CD80: variants seen among roughly 807,000 people sequenced by gnomAD.
CD80 encodes the protein CD80 molecule, also known as T-lymphocyte activation antigen CD80.
Under a neutral mutation model 27.1 loss-of-function variants are expected in CD80, and 13 were observed. The observed-to-expected ratio is 0.48, with a 90% confidence interval of 0.31 to 0.76. The LOEUF is 0.76. CD80 is among the 30% of genes least tolerant of loss of function. The pLI is 0.04. For synonymous variants in CD80, 125 were observed against 125.5 expected, an observed-to-expected ratio of 1.00 and a Z score of 0.03; for missense variants, 277 against 347.9, an observed-to-expected ratio of 0.80 and a Z score of 1.62.
intron 5 of CD80, among the ~76,000 whole-genome samples, chr3:119,528,751 G>A (rs1159085647): frequency 1.4e-4 from 22 of 151,746 alleles, no homozygotes; most frequent in African/African-American, 5.1e-4. Flanking sequence ...GTGAAACCCC[G>A]TCTCTACTAA....
intron 6 of CD80, chr3:119,527,420 G>T: frequency 4.3e-6 from 1 of 231,926 alleles, no homozygotes; most frequent in Non-Finnish European, 8.3e-6. Context: ...AGGGAAAAAT[G>T]AATGATCAGA....
intron 3 of CD80, among the ~76,000 whole-genome samples, chr3:119,537,908 G>T (rs1284871949): frequency 3.9e-5 from 6 of 152,182 alleles, no homozygotes; most frequent in Admixed American, 2.6e-4. Flanking sequence ...GATTTGAATT[G>T]GTTATATCAA....
At chr3:119,553,544 G>A (rs2222631) in intron 2 of CD80, among the ~76,000 whole-genome samples, 82,104 of 152,020 alleles carry the variant, frequency 0.54, 22,998 homozygotes, top group African/African-American at 0.69. Flanking sequence ...CACCCTCTCC[G>A]TGCAGCCTGG....
chr3:119,547,347 G>T (rs184372000), intron 2 of CD80, among the ~76,000 whole-genome samples: 1 of 152,170 alleles, frequency 6.6e-6, no homozygotes, highest in Admixed American at 6.5e-5. Flanking sequence ...TTTCTCCAAG[G>T]GGGTGGGGAA....
At position 119,553,201 on chromosome 3, in the gene CD80, A is replaced by G. The variant is rs543900842; in HGVS notation, c.100+4428T>C. ...GTTGCCCATGCTGGAGTGCAGTGGC[A>G]TGATCTTGGCTCACAGCAACCCCCG... On this transcript the variant is annotated intron_variant, in intron 2 of 6. Transcript: ENST00000264246. Among the ~76,000 whole-genome samples the G allele has an allele frequency of 6.6e-5, 10 of 151,810 alleles. No homozygotes were observed. The South Asian group carries it at 1.0e-3, about 16-fold the overall frequency.
rs1379205962 is a variant in CD80, at chr3:119,529,861, C to G, written c.777G>C (p.Val259=). 1 of 1,611,774 alleles carries G rather than the reference C, an allele frequency of 6.2e-7. No individual in the cohort carries two copies. The highest frequency in any genetic ancestry group is 8.5e-7 in the Non-Finnish European group (1 of 1,178,032). ...ACTTACAGTAGGTCAGGCAGCATAT[C>G]ACAAAAATTCCATTTACTGAGATTA... ...ITLISVNGIF[V]ICCLTYCFAP... The change falls in exon 5 of 7, where the codon GTG becomes GTC. Residue 259 remains valine, a synonymous_variant. Coordinates refer to ENST00000264246, the MANE Select transcript of CD80 (RefSeq NM_005191.4).
Position 119,544,822 on chromosome 3 carries a change from G to T in CD80, c.146C>A (p.Ser49Tyr), listed in dbSNP as rs1285569312. ...TTCAACAGAAACATTGTGACCACAG[G>T]ACAGCGTTGCCACTTCTTTCACTTC... ...TKEVKEVATL[S>Y]CGHNVSVEEL... The change falls in exon 3 of 7, where the codon TCC becomes TAC. Residue 49 changes from serine to tyrosine, a missense_variant. Transcript: ENST00000264246. 1 of 1,614,148 alleles carries T rather than the reference G, an allele frequency of 6.2e-7. No individual in the cohort carries two copies. Among genetic ancestry groups the T allele is most frequent in the Admixed American group, 1.7e-5 (1 of 60,028 alleles).
intron 2 of CD80, among the ~76,000 whole-genome samples, chr3:119,549,065 A>G (rs545700055): frequency 4.6e-5 from 7 of 150,948 alleles, no homozygotes; most frequent in African/African-American, 1.5e-4. Flanking sequence ...AATAAATAAG[A>G]AACAGAGTCC....
chr3:119,527,785 C>G lies in CD80; in HGVS notation c.853G>C (p.Val285Leu), dbSNP rs2082076411. The change falls in exon 6 of 7, where the codon GTA becomes CTA. Residue 285 changes from valine (V) to leucine (L), a missense_variant. Physicochemically the swap from Val to Leu is conservative, Grantham distance 32 (BLOSUM62 1). Transcript: ENST00000264246. ...RRNERLRRES[V>L]RPV Reference sequence around the variant, plus strand: ...TGCGGACACTGTTATACAGGGCGTACACTTTCCCTTCTCAATCTCTCATTC... The same window carrying G: ...TGCGGACACTGTTATACAGGGCGTAGACTTTCCCTTCTCAATCTCTCATTC... The G allele has an allele frequency of 6.2e-7, 1 of 1,613,822 alleles. No individual in the cohort carries two copies. The highest frequency in any genetic ancestry group is 1.3e-5 in the African/African-American group (1 of 74,928).
intron 3 of CD80, among the ~76,000 whole-genome samples, chr3:119,543,601 G>A (rs1056925488): frequency 2.0e-5 from 3 of 150,886 alleles, no homozygotes; most frequent in African/African-American, 7.3e-5. Flanking sequence ...ACACGTCCCT[G>A]GCTAATTTTT....
At chr3:119,549,299 CCAAGAA>C (rs1387681696) in intron 2 of CD80, among the ~76,000 whole-genome samples, 5 of 152,156 alleles carry the variant, frequency 3.3e-5, no homozygotes, top group African/African-American at 1.2e-4. Context: ...ATCCACATAG[CCAAGAA>C]ATATCAGCAT....
intron 2 of CD80, among the ~76,000 whole-genome samples, chr3:119,554,905 T>C (rs1266363889): frequency 6.6e-6 from 1 of 152,234 alleles, no homozygotes; most frequent in Non-Finnish European, 1.5e-5. Flanking sequence ...TAATAGGTTT[T>C]GCACAGTCAC....
At chr3:119,530,438 G>A (rs1002913032) in intron 4 of CD80, among the ~76,000 whole-genome samples, 8 of 152,186 alleles carry the variant, frequency 5.3e-5, no homozygotes, top group Non-Finnish European at 8.8e-5. Flanking sequence ...ATTCACTTTC[G>A]GATACAGGTT....
intron 2 of CD80, among the ~76,000 whole-genome samples, chr3:119,549,478 G>C (rs535173280): frequency 6.6e-6 from 1 of 152,120 alleles, no homozygotes; most frequent in Non-Finnish European, 1.5e-5. Flanking sequence ...CAGTGCTGTC[G>C]TACTGTGCCT....
intron 3 of CD80, among the ~76,000 whole-genome samples, chr3:119,538,341 G>A (rs491407): frequency 0.77 from 116,447 of 151,940 alleles, 44,776 homozygotes; most frequent in African/African-American, 0.81. Context: ...CTTGAAGTAC[G>A]CAAGTGGCTT....
In CD80 at chr3:119,525,877, A is replaced by T. The variant is rs551094407; in HGVS notation, c.*39-128T>A. 2.3e-3 allele frequency: 310 copies of T among 136,150 alleles called. 1 individual carries two copies. The highest frequency in any genetic ancestry group is 8.3e-3 in the African/African-American group (287 of 34,460). The allele number at this position is 136,150 out of a possible 1,614,324, so 8.4% of individuals were successfully genotyped here. A position where few individuals can be genotyped will look rare whatever the true frequency, so the allele number is the denominator to read the frequency against. On this transcript the variant is annotated intron_variant, in intron 6 of 6. Transcript: ENST00000264246. ...TTATATATGTATATATGTATATATA[A>T]TTTAATTATATATGTATATATATAT...
At chr3:119,542,655 G>C (rs1008534539) in intron 3 of CD80, among the ~76,000 whole-genome samples, 1 of 152,084 alleles carries the variant, frequency 6.6e-6, no homozygotes, top group African/African-American at 2.4e-5. Context: ...ACTCCATCTT[G>C]CTTCTAACCT....
At chr3:119,558,322 A>G (rs2082274984) in intron 1 of CD80, among the ~76,000 whole-genome samples, 1 of 152,224 alleles carries the variant, frequency 6.6e-6, no homozygotes, top group African/African-American at 2.4e-5. Context: ...TTCTTGACAT[A>G]TTAACATAAG....
At chr3:119,556,741 C>T (rs932538654) in intron 2 of CD80, among the ~76,000 whole-genome samples, 8 of 152,096 alleles carry the variant, frequency 5.3e-5, no homozygotes, top group Admixed American at 3.3e-4. Context: ...CCTTAATAGT[C>T]GGGTCTTTGC....
Sources: gnomAD v4.1 joint callset for allele counts (sites outside exome capture counted in the v4.1 genomes callset) on GRCh38, gnomAD v4.1.1 for gene constraint, MANE v1.5 for transcripts, NCBI Gene and HGNC (gene_info 2026-07-23, HGNC 2026-07-21) for gene names.